The following ITK variants were observed in gnomAD, a reference collection of about 807,000 sequenced individuals.
ITK encodes IL2 inducible T cell kinase.
ITK carries 45 observed loss-of-function variants against 87.6 expected under a neutral mutation model. The ratio of observed to expected loss-of-function variants is 0.51; its 90% CI spans 0.40 to 0.66. The LOEUF is 0.66. Among genes scored for constraint, ITK ranks in the 30% least tolerant of loss-of-function variants. ITK has a pLI of 0.00. For synonymous variants in ITK, 303 were observed against 273.6 expected (o/e 1.11, Z -1.06); for missense variants, 605 against 766.3 (o/e 0.79, Z 2.48).
chr5:157,219,485 C>A (rs1042402057), intron 5 of ITK, among the ~76,000 whole-genome samples: 1 of 152,152 alleles, frequency 6.6e-6, no homozygotes, highest in African/African-American at 2.4e-5. Context: ...ATTCCATTTC[C>A]TCATGCTTCT....
chr5:157,189,902 C>T (rs1753720689), intron 1 of ITK, among the ~76,000 whole-genome samples: 1 of 152,124 alleles, frequency 6.6e-6, no homozygotes, highest in Admixed American at 6.5e-5. Flanking sequence ...ATTATGAGGC[C>T]TACTGGAAAA....
chr5:157,248,435 C>T (rs1310363226), intron 15 of ITK, among the ~76,000 whole-genome samples: 1 of 152,074 alleles, frequency 6.6e-6, no homozygotes. Context: ...CAATTCTGAT[C>T]CCTCATTTTC....
At chr5:157,221,648 G>A (rs146866168) in intron 5 of ITK, among the ~76,000 whole-genome samples, 106 of 152,166 alleles carry the variant, frequency 7.0e-4, no homozygotes, top group Non-Finnish European at 1.3e-3. Context: ...TAATTTGAGG[G>A]CCCTGCTCTG....
At chr5:157,245,223 TAAAAAAAA>T in intron 13 of ITK, 4 of 160,724 alleles carry the variant, frequency 2.5e-5, no homozygotes, top group South Asian at 2.2e-4. Flanking sequence ...AGACTCCATC[TAAAAAAAA>T]AAAAAAAAAA....
intron 12 of ITK, chr5:157,244,040 C>T: frequency 1.5e-6 from 1 of 667,442 alleles, no homozygotes. Context: ...ACATGCCAGC[C>T]ACACTGGCCT....
intron 14 of ITK, 33 bp downstream of exon 14, chr5:157,245,823 A>T: frequency 6.2e-7 from 1 of 1,611,972 alleles, no homozygotes. Context: ...GTGAAGTCTC[A>T]GGAATGGGAC....
At chr5:157,224,713 G>A (rs952525789) in intron 6 of ITK, among the ~76,000 whole-genome samples, 6 of 152,058 alleles carry the variant, frequency 3.9e-5, no homozygotes, top group Admixed American at 2.6e-4. Context: ...CCTGGGAGGT[G>A]GAGGTTGCAG....
intron 6 of ITK, among the ~76,000 whole-genome samples, chr5:157,225,551 T>C (rs1384912865): frequency 6.6e-6 from 1 of 152,070 alleles, no homozygotes; most frequent in African/African-American, 2.4e-5. Context: ...TCAAGGTGCC[T>C]TCTCTTTAAG....
In ITK at chr5:157,214,255, G is replaced by A; in HGVS notation, c.390G>A (p.Trp130Ter). The change falls in exon 4 of 17, where the codon TGG (tryptophan) becomes TGA (stop). Residue 130 changes from tryptophan (W) to a stop codon, truncating the protein, a stop_gained. Coordinates refer to ENST00000422843, the MANE Select transcript of ITK (RefSeq NM_005546.4). LOFTEE classifies it high-confidence loss of function. ...YHPNFWMDGK[W>*]RCCSQLEKLA... is the part of the protein sequence containing the mutation. ...CTAATTTCTGGATGGATGGGAAGTG[G>A]AGGTGCTGTTCTCAGCTGGAGAAGC... 2 of 1,609,882 alleles carry A rather than the reference G, an allele frequency of 1.2e-6. No individual in the cohort carries two copies. Among genetic ancestry groups the A allele is most frequent in the Non-Finnish European group, 1.7e-6 (2 of 1,176,108 alleles).
rs559437669 is a variant in ITK, at chr5:157,215,552, G to A, written c.454+1233G>A. Among the ~76,000 whole-genome samples the A allele has an allele frequency of 4.6e-5, 7 of 152,300 alleles. No individual in the cohort carries two copies. The South Asian group carries it at 1.5e-3, about 32-fold the overall frequency. The stretch of plus-strand genomic sequence containing the variant: ...AGTCCTGTTTACCATATTCATGCGG[G>A]CCAATATTTAATAAAAATGAAATGG... On this transcript the variant is annotated intron_variant, in intron 4 of 16. Coordinates refer to ENST00000422843, the MANE Select transcript of ITK (RefSeq NM_005546.4).
At chr5:157,194,828 G>A (rs1026396071) in intron 1 of ITK, among the ~76,000 whole-genome samples, 3 of 152,204 alleles carry the variant, frequency 2.0e-5, no homozygotes, top group Admixed American at 6.5e-5. Flanking sequence ...ATACTATTGA[G>A]CAGACAATAC....
chr5:157,248,447 T>C (rs894299304), intron 15 of ITK, among the ~76,000 whole-genome samples: 1 of 152,222 alleles, frequency 6.6e-6, no homozygotes, highest in African/African-American at 2.4e-5. Context: ...CTCATTTTCA[T>C]GTGCCATACT....
intron 6 of ITK, among the ~76,000 whole-genome samples, chr5:157,227,130 C>T (rs897901666): frequency 2.0e-5 from 3 of 152,134 alleles, no homozygotes; most frequent in African/African-American, 7.2e-5. Context: ...TATCAGTCAT[C>T]TTTTTACAGA....
chr5:157,203,467 G>T lies in ITK; in HGVS notation c.139-5422G>T, dbSNP rs1321835443. 2.6e-5 allele frequency among the ~76,000 whole-genome samples: 4 copies of T among 152,302 alleles called. No homozygotes were observed. The East Asian group carries it at 5.8e-4, about 22-fold the overall frequency. ...CCTTAGGGAGCTCAGGACCTAGTAG[G>T]TTCCAAAGACAAAAATGTCAGCAAA... On this transcript the variant is annotated intron_variant, in intron 1 of 16. Transcript: ENST00000422843.
chr5:157,232,468 G>A lies in ITK; in HGVS notation c.768+74G>A. ...GCACTGTCTCATGTCTGGAATCCCA[G>A]CGATTTGGCAGGCCAAGGTGGGAGG... On this transcript the variant is annotated intron_variant, in intron 8 of 16. Transcript: ENST00000422843. 6 of 1,100,700 alleles carry A rather than the reference G, an allele frequency of 5.5e-6. No individual in the cohort carries two copies. The South Asian group carries it at 7.9e-5, about 14-fold the overall frequency. 68.2% of individuals were successfully genotyped at this position (1,100,700 alleles called of 1,614,324 possible). A position where few individuals can be genotyped will look rare whatever the true frequency, so the allele number is the denominator to read the frequency against.
rs371332859 is a variant in ITK at position 157,252,700 on chromosome 5, C to A, written c.*22C>A. On this transcript the variant is annotated 3_prime_UTR_variant, in exon 17 of 17. Coordinates refer to ENST00000422843, the MANE Select transcript of ITK (RefSeq NM_005546.4). ...TTAGTAGAGACTGAGTACCAGGCCA[C>A]GGGCTGCAGATCCTGAATGGAGGAA... The A allele has an allele frequency of 4.2e-5, 65 of 1,555,482 alleles. No individual in the cohort carries two copies. Among genetic ancestry groups the A allele is most frequent in the Non-Finnish European group, 5.5e-5 (62 of 1,126,512 alleles).
At chr5:157,225,862 T>C (rs748603373) in intron 6 of ITK, among the ~76,000 whole-genome samples, 1 of 152,206 alleles carries the variant, frequency 6.6e-6, no homozygotes, top group African/African-American at 2.4e-5. Context: ...CTGACTTTAC[T>C]TAGCACACCT....
chr5:157,189,119 A>T (rs549586316), intron 1 of ITK, among the ~76,000 whole-genome samples: 1 of 152,332 alleles, frequency 6.6e-6, no homozygotes, highest in African/African-American at 2.4e-5. Flanking sequence ...CAAGCAAAGT[A>T]CTTTGCAATT....
rs117806853 is a variant in ITK at position 157,180,883 on chromosome 5, A to G, written c.-95A>G. 178 of 1,239,418 alleles carry G rather than the reference A, an allele frequency of 1.4e-4. No homozygotes were observed. The East Asian group carries it at 3.9e-3, about 27-fold the overall frequency. 76.8% of individuals were successfully genotyped at this position (1,239,418 alleles called of 1,614,324 possible). A position where few individuals can be genotyped will look rare whatever the true frequency, so the allele number is the denominator to read the frequency against. ...CCCTTGAGCAGCTCTCTGAAGATCA[A>G]CTGCCTCCACATTGCATTCTTTGCC... is the stretch of plus-strand genomic sequence containing the variant. On this transcript the variant is annotated 5_prime_UTR_variant, in exon 1 of 17. Transcript: ENST00000422843.
Sources: gnomAD v4.1 joint callset for allele counts (sites outside exome capture counted in the v4.1 genomes callset) on GRCh38, gnomAD v4.1.1 for gene constraint, MANE v1.5 for transcripts, NCBI Gene and HGNC (gene_info 2026-07-23, HGNC 2026-07-21) for gene names.